The following CARMIL1 variants were observed in gnomAD, a reference collection of about 807,000 sequenced individuals.
The protein encoded by CARMIL1 is F-actin-uncapping protein LRRC16A.
CARMIL1 carries 90 observed loss-of-function variants against 177.1 expected under a neutral mutation model. The ratio of observed to expected loss-of-function variants is 0.51; its 90% CI spans 0.43 to 0.61. CARMIL1 has a LOEUF of 0.61. Ranked by LOEUF, CARMIL1 falls within the 20% of genes least tolerant of loss-of-function variation. The pLI, the probability that CARMIL1 is intolerant of heterozygous loss-of-function variation, is 0.00. For synonymous variants in CARMIL1, 577 were observed against 606.2 expected (o/e 0.95, Z 0.71); for missense variants, 1,380 against 1,667.0 (o/e 0.83, Z 3.00).
At position 25,577,112 on chromosome 6, in the gene CARMIL1, G is replaced by T. The variant is rs901005774; in HGVS notation, c.2743-3812G>T. Reference sequence around the variant, plus strand: ...GAGACTGTAGTGTTGTCATCCATCTGCAGATCCTGAATGAAATAGGCAACA... The same window carrying T: ...GAGACTGTAGTGTTGTCATCCATCTTCAGATCCTGAATGAAATAGGCAACA... On this transcript the variant is annotated intron_variant, in intron 29 of 36. Coordinates refer to ENST00000329474, the MANE Select transcript of CARMIL1 (RefSeq NM_017640.6). The surrounding 1 kb of genome is among the most constrained non-coding windows in gnomAD (Gnocchi z 4.5). The T allele has an allele frequency of 4.1e-6, 4 of 985,224 alleles. No individual in the cohort carries two copies. Among genetic ancestry groups the T allele is most frequent in the Non-Finnish European group, 4.8e-6 (4 of 829,940 alleles). The allele number at this position is 985,224 out of a possible 1,614,324, so 61.0% of individuals were successfully genotyped here. A position where few individuals can be genotyped will look rare whatever the true frequency, so the allele number is the denominator to read the frequency against.
rs561128142 is a variant in CARMIL1 at position 25,497,045 on chromosome 6, T to C, written c.1325+1830T>C. ...GGTGTGAATGTTTGATAGTGTTAAA[T>C]CAGTAGTCTCTTCAGCTCTGTGTTT... On this transcript the variant is annotated intron_variant, in intron 16 of 36. Coordinates refer to ENST00000329474, the MANE Select transcript of CARMIL1 (RefSeq NM_017640.6). Among the ~76,000 whole-genome samples the C allele has an allele frequency of 1.8e-4, 28 of 152,344 alleles. 1 individual carries two copies. Among genetic ancestry groups the C allele is most frequent in the African/African-American group, 6.5e-4 (27 of 41,574 alleles).
At position 25,515,224 on chromosome 6, in the gene CARMIL1, A is replaced by G. The variant is rs571755584; in HGVS notation, c.1633-451A>G. ...GGTGGTTAAACATAGTAATTGTTCA[A>G]TAATTGTCAGCTATTATTAATCCTG... is the stretch of plus-strand genomic sequence containing the variant. On this transcript the variant is annotated intron_variant, in intron 20 of 36. Coordinates refer to ENST00000329474, the MANE Select transcript of CARMIL1 (RefSeq NM_017640.6). This position sits in a 1 kb window ranked among gnomAD's most constrained non-coding sequence, Gnocchi z 5.0. 6.6e-6 allele frequency among the ~76,000 whole-genome samples: 1 copy of G among 152,322 alleles called. No homozygotes were observed. The highest frequency in any genetic ancestry group is 6.5e-5 in the Admixed American group (1 of 15,304).
Position 25,554,158 on chromosome 6 carries a change from A to G in CARMIL1, c.2592+62A>G, listed in dbSNP as rs1388238824. ...TTCAGCTCTGCTGTGATGCAGGATG[A>G]CTTCCGGTGTGGGGATGTGATTTCT... On this transcript the variant is annotated intron_variant, in intron 28 of 36. Transcript: ENST00000329474. This position sits in a 1 kb window ranked among gnomAD's most constrained non-coding sequence, Gnocchi z 4.6. 1 of 1,134,380 alleles carries G rather than the reference A, an allele frequency of 8.8e-7. No homozygotes were observed. The highest frequency in any genetic ancestry group is 1.3e-6 in the Non-Finnish European group (1 of 766,290). The allele number at this position is 1,134,380 out of a possible 1,614,324, so 70.3% of individuals were successfully genotyped here.
intron 9 of CARMIL1, among the ~76,000 whole-genome samples, chr6:25,466,773 G>A (rs1210696755): frequency 1.3e-5 from 2 of 152,124 alleles, no homozygotes; most frequent in Non-Finnish European, 2.9e-5. Context: ...CTCTGAATTT[G>A]CCTGGGGTAG....
At chr6:25,474,509 T>C (rs546109485) in intron 11 of CARMIL1, among the ~76,000 whole-genome samples, 1 of 152,214 alleles carries the variant, frequency 6.6e-6, no homozygotes, top group Non-Finnish European at 1.5e-5. Context: ...CTGACAAAGA[T>C]ACCTAGGTTG....
chr6:25,485,491 C>T (rs1257673943), intron 12 of CARMIL1, among the ~76,000 whole-genome samples: 1 of 152,214 alleles, frequency 6.6e-6, no homozygotes, highest in African/African-American at 2.4e-5. Flanking sequence ...TCTTGGCTCA[C>T]TTGCATGATC....
At chr6:25,312,726 C>T (rs1425617622) in intron 2 of CARMIL1, among the ~76,000 whole-genome samples, 2 of 150,862 alleles carry the variant, frequency 1.3e-5, no homozygotes, top group Non-Finnish European at 3.0e-5. Flanking sequence ...AATTTTCCAT[C>T]CCCCCCACTT....
chr6:25,443,793 T>A (rs1229266761), intron 5 of CARMIL1, among the ~76,000 whole-genome samples: 1 of 151,832 alleles, frequency 6.6e-6, no homozygotes, highest in Non-Finnish European at 1.5e-5. Flanking sequence ...AGAGTTGGGG[T>A]GGCTATGGCA....
At chr6:25,476,139 A>G (rs1801556773) in intron 11 of CARMIL1, among the ~76,000 whole-genome samples, 1 of 152,200 alleles carries the variant, frequency 6.6e-6, no homozygotes, top group African/African-American at 2.4e-5. Flanking sequence ...GCACTTGAAA[A>G]TTACGGTGAA....
chr6:25,388,833 A>C (rs772802682), intron 2 of CARMIL1, among the ~76,000 whole-genome samples: 5 of 151,864 alleles, frequency 3.3e-5, no homozygotes, highest in Admixed American at 2.0e-4. Context: ...AGACCACCAC[A>C]CCCAGCACAT....
chr6:25,513,988 A>C (rs301390), intron 20 of CARMIL1, among the ~76,000 whole-genome samples: 66,370 of 151,960 alleles, frequency 0.44, 14,894 homozygotes, highest in Middle Eastern at 0.52. Context: ...GGAATTCTTA[A>C]CCCCACTTTA....
At chr6:25,376,078 A>AATT (rs1243093705) in intron 2 of CARMIL1, among the ~76,000 whole-genome samples, 5 of 152,018 alleles carry the variant, frequency 3.3e-5, no homozygotes, top group Non-Finnish European at 7.4e-5. Context: ...ATATTGCCAG[A>AATT]ATTATTATTA....
chr6:25,341,818 C>A lies in CARMIL1; in HGVS notation c.138+56909C>A, dbSNP rs532977139. Among the ~76,000 whole-genome samples the A allele has an allele frequency of 5.3e-5, 8 of 152,280 alleles. No individual in the cohort carries two copies. The East Asian group carries it at 1.4e-3, about 26-fold the overall frequency. ...CTAACTGAATTTAAGCCTCTTAGCC[C>A]GACAGAATTTCTCCACAGGGTTCTG... On this transcript the variant is annotated intron_variant, in intron 2 of 36. Transcript: ENST00000329474.
Position 25,343,586 on chromosome 6 carries a change from C to T in CARMIL1, c.138+58677C>T, listed in dbSNP as rs1324897997. On this transcript the variant is annotated intron_variant, in intron 2 of 36. Transcript: ENST00000329474. ...TCAGTCACCATAGGAAGCCTGGACT[C>T]CCGTGTCATCTCTCACTCCTGTGTC... is the stretch of plus-strand genomic sequence containing the variant. Among the ~76,000 whole-genome samples the T allele has an allele frequency of 2.0e-5, 3 of 152,266 alleles. No homozygotes were observed. In the East Asian group the frequency reaches 5.8e-4, roughly 29 times the overall value.
intron 29 of CARMIL1, among the ~76,000 whole-genome samples, chr6:25,559,509 C>T (rs114111461): frequency 6.6e-6 from 1 of 152,114 alleles, no homozygotes; most frequent in African/African-American, 2.4e-5. Context: ...AGTACATGCA[C>T]GCAACCTTTC....
chr6:25,312,802 C>T (rs1394469369), intron 2 of CARMIL1, among the ~76,000 whole-genome samples: 1 of 149,134 alleles, frequency 6.7e-6, no homozygotes, highest in Admixed American at 6.7e-5. Context: ...AGTCTTGCCA[C>T]GTTGTAAGGA....
intron 2 of CARMIL1, among the ~76,000 whole-genome samples, chr6:25,401,194 G>T (rs1301709017): frequency 3.3e-5 from 5 of 151,822 alleles, no homozygotes; most frequent in African/African-American, 1.2e-4. Context: ...TTATAACATT[G>T]TTATGTCTCA....
At chr6:25,337,212 TA>T (rs1246113962) in intron 2 of CARMIL1, among the ~76,000 whole-genome samples, 1 of 152,224 alleles carries the variant, frequency 6.6e-6, no homozygotes, top group African/African-American at 2.4e-5. Context: ...TGTAAGTTAA[TA>T]AGTATCTTAT....
chr6:25,378,128 C>T (rs1380878715), intron 2 of CARMIL1, among the ~76,000 whole-genome samples: 1 of 152,164 alleles, frequency 6.6e-6, no homozygotes, highest in East Asian at 1.9e-4. Context: ...AAGGAAAAAG[C>T]ACAGCTGCTT....
Sources: gnomAD v4.1 joint callset for allele counts (sites outside exome capture counted in the v4.1 genomes callset) on GRCh38, gnomAD v4.1.1 for gene constraint, Gnocchi (gnomAD v3.1) non-coding constraint, MANE v1.5 for transcripts, NCBI Gene and HGNC (gene_info 2026-07-23, HGNC 2026-07-21) for gene names.